The following LRRTM4 variants were observed in gnomAD, a reference collection of about 807,000 sequenced individuals.
LRRTM4 encodes the protein leucine rich repeat transmembrane neuronal 4.
A neutral mutation model predicts 47.6 loss-of-function variants in LRRTM4; 25 were observed. That is an observed-to-expected ratio of 0.53 (90% CI 0.38 to 0.73). The LOEUF (loss-of-function observed/expected upper bound fraction) is 0.73. Ranked by LOEUF, LRRTM4 falls within the 30% of genes least tolerant of loss-of-function variation. LRRTM4 has a pLI of 0.00. For synonymous variants in LRRTM4, 311 were observed against 269.5 expected, an observed-to-expected ratio of 1.15 and a Z score of -1.51; for missense variants, 638 against 713.4, an observed-to-expected ratio of 0.89 and a Z score of 1.20.
chr2:77,164,121 C>G lies in LRRTM4; in HGVS notation c.1551+354197G>C, dbSNP rs187699514. Among the ~76,000 whole-genome samples, 57 of 152,202 alleles carry G rather than the reference C, an allele frequency of 3.7e-4. 1 individual carries two copies. The highest frequency in any genetic ancestry group is 3.7e-3 in the Admixed American group (57 of 15,278). ...AATAAAGGGATGGAGGAAAATCTAC[C>G]AAGCAAATGGAAAACAAAACAAAAG... On this transcript the variant is annotated intron_variant, in intron 3 of 3. Coordinates refer to ENST00000409884, the MANE Select transcript of LRRTM4 (RefSeq NM_001134745.3).
chr2:77,296,907 A>G (rs1331519254), intron 3 of LRRTM4, among the ~76,000 whole-genome samples: 2 of 152,222 alleles, frequency 1.3e-5, no homozygotes, highest in Non-Finnish European at 2.9e-5. Context: ...CATAGTTAAG[A>G]TGCTAAGCTT....
intron 3 of LRRTM4, among the ~76,000 whole-genome samples, chr2:77,419,583 A>G (rs1473298834): frequency 6.6e-6 from 1 of 152,198 alleles, no homozygotes; most frequent in East Asian, 1.9e-4. Flanking sequence ...CATGTTCAAT[A>G]GAGATGCAAT....
intron 3 of LRRTM4, among the ~76,000 whole-genome samples, chr2:77,296,450 T>C (rs1676975778): frequency 6.6e-6 from 1 of 152,200 alleles, no homozygotes; most frequent in Non-Finnish European, 1.5e-5. Flanking sequence ...ACAGCATTTT[T>C]CTTGGGTTTT....
chr2:76,785,134 TACAA>T (rs1299641792), intron 3 of LRRTM4, among the ~76,000 whole-genome samples: 3 of 152,120 alleles, frequency 2.0e-5, no homozygotes, highest in African/African-American at 2.4e-5. Flanking sequence ...AAGAAGGAAG[TACAA>T]ACAATTAATT....
intron 3 of LRRTM4, among the ~76,000 whole-genome samples, chr2:77,471,616 C>T (rs1397228059): frequency 4.6e-5 from 7 of 152,102 alleles, no homozygotes; most frequent in African/African-American, 1.7e-4. Flanking sequence ...TCAAACAAAC[C>T]CATTATGATA....
chr2:77,325,194 GAATATTTTCTATATCCA>G (rs1445484884), intron 3 of LRRTM4, among the ~76,000 whole-genome samples: 1 of 152,064 alleles, frequency 6.6e-6, no homozygotes, highest in Non-Finnish European at 1.5e-5. Context: ...CCTTCAAAGA[GAATATTTTCTATATCCA>G]AATCCCTGTA....
At chr2:77,079,951 G>A (rs1174042387) in intron 3 of LRRTM4, among the ~76,000 whole-genome samples, 1 of 151,682 alleles carries the variant, frequency 6.6e-6, no homozygotes. Flanking sequence ...TACCTTTAAA[G>A]ATTAAACTGT....
intron 3 of LRRTM4, among the ~76,000 whole-genome samples, chr2:77,242,223 T>C (rs1311351462): frequency 6.6e-6 from 1 of 152,162 alleles, no homozygotes; most frequent in Non-Finnish European, 1.5e-5. Flanking sequence ...TGTAGATTTC[T>C]TTGGTTAATG....
At chr2:76,756,117 C>G (rs1673023104) in intron 3 of LRRTM4, among the ~76,000 whole-genome samples, 1 of 152,182 alleles carries the variant, frequency 6.6e-6, no homozygotes, top group Non-Finnish European at 1.5e-5. Flanking sequence ...ACCCAGTATG[C>G]TGTGGTTTGC....
chr2:77,477,633 G>T (rs559679983), intron 3 of LRRTM4, among the ~76,000 whole-genome samples: 2 of 151,742 alleles, frequency 1.3e-5, no homozygotes, highest in Non-Finnish European at 2.9e-5. Context: ...ACCTGAGGTT[G>T]GGAGTTTGAG....
chr2:76,789,019 T>C (rs142509025), intron 3 of LRRTM4, among the ~76,000 whole-genome samples: 4 of 152,272 alleles, frequency 2.6e-5, no homozygotes, highest in Admixed American at 6.5e-5. Context: ...AGCTAATGCT[T>C]GGCACCCTGC....
At chr2:77,297,668 CTCTAT>C (rs1558675276) in intron 3 of LRRTM4, among the ~76,000 whole-genome samples, 2 of 152,194 alleles carry the variant, frequency 1.3e-5, no homozygotes, top group Non-Finnish European at 2.9e-5. Context: ...CCAGGAGCCT[CTCTAT>C]GCTGTCCCTA....
intron 3 of LRRTM4, among the ~76,000 whole-genome samples, chr2:77,177,578 CT>C (rs1197134693): frequency 3.3e-5 from 5 of 152,172 alleles, no homozygotes; most frequent in Admixed American, 1.3e-4. Context: ...CATTTTCATT[CT>C]TCAGTCTACC....
In LRRTM4 at chr2:76,795,721, T is replaced by C. The variant is rs1186194223; in HGVS notation, c.1552-46805A>G. 2.0e-5 allele frequency among the ~76,000 whole-genome samples: 3 copies of C among 152,062 alleles called. No individual in the cohort carries two copies. The East Asian group carries it at 5.8e-4, about 29-fold the overall frequency. Reference sequence around the variant, plus strand: ...CTATATCTTCTACATACTGATGTCGTTTCCTTTGGATACTCATTTTATGAG... The same window carrying C: ...CTATATCTTCTACATACTGATGTCGCTTCCTTTGGATACTCATTTTATGAG... On this transcript the variant is annotated intron_variant, in intron 3 of 3. Transcript: ENST00000409884.
intron 3 of LRRTM4, among the ~76,000 whole-genome samples, chr2:77,327,641 T>C (rs916672935): frequency 6.6e-6 from 1 of 152,184 alleles, no homozygotes; most frequent in African/African-American, 2.4e-5. Flanking sequence ...TTGAGACTGA[T>C]GTTATTTGTT....
intron 3 of LRRTM4, among the ~76,000 whole-genome samples, chr2:77,156,990 C>A (rs759329724): frequency 4.6e-5 from 7 of 151,598 alleles, no homozygotes; most frequent in African/African-American, 1.2e-4. Context: ...ATTCAACTAA[C>A]CTTTAATATT....
intron 3 of LRRTM4, among the ~76,000 whole-genome samples, chr2:77,425,566 T>G (rs184616618): frequency 1.2e-3 from 176 of 152,282 alleles, no homozygotes; most frequent in Non-Finnish European, 3.8e-4. Flanking sequence ...CTCTAAAGAT[T>G]GTTTTCTTTT....
At chr2:76,880,758 G>C (rs1236163373) in intron 3 of LRRTM4, among the ~76,000 whole-genome samples, 1 of 152,086 alleles carries the variant, frequency 6.6e-6, no homozygotes, top group Non-Finnish European at 1.5e-5. Flanking sequence ...GTAATTAAAC[G>C]AACTTTTCAG....
chr2:76,958,153 A>C (rs919315473), intron 3 of LRRTM4, among the ~76,000 whole-genome samples: 4 of 151,802 alleles, frequency 2.6e-5, no homozygotes, highest in Non-Finnish European at 5.9e-5. Context: ...TTAGTTTGAC[A>C]TCAAATATTT....
Sources: allele counts gnomAD v4.1 joint callset (sites outside exome capture counted in the v4.1 genomes callset), GRCh38; gene constraint gnomAD v4.1.1; transcripts MANE v1.5; gene names NCBI Gene and HGNC (gene_info 2026-07-23, HGNC 2026-07-21).